EFL1: variants seen among roughly 807,000 people sequenced by gnomAD.
The protein encoded by EFL1 is elongation factor like GTPase 1.
Under a neutral mutation model 126.7 loss-of-function variants are expected in EFL1, and 76 were observed. That is an observed-to-expected ratio of 0.60 (90% CI 0.50 to 0.73). The LOEUF is 0.73. Among genes scored for constraint, EFL1 ranks in the 30% least tolerant of loss-of-function variants. EFL1 has a pLI of 0.00. For missense variants in EFL1, 1,128 were observed against 1,343.2 expected (o/e 0.84, Z 2.50); for synonymous variants, 410 against 448.4 (o/e 0.91, Z 1.08).
chr15:82,205,853 A>T (rs1272732237), intron 15 of EFL1, among the ~76,000 whole-genome samples: 4 of 152,252 alleles, frequency 2.6e-5, no homozygotes, highest in African/African-American at 9.6e-5. Context: ...GTATTAATCT[A>T]TGTGTTCAAA....
At chr15:82,133,655 A>AT (rs1304465335) in intron 19 of EFL1, among the ~76,000 whole-genome samples, 1 of 152,166 alleles carries the variant, frequency 6.6e-6, no homozygotes, top group Non-Finnish European at 1.5e-5. Context: ...AACTATTGTA[A>AT]TTTTTTTAAC....
intron 7 of EFL1, among the ~76,000 whole-genome samples, chr15:82,233,073 A>T (rs1461643279): frequency 1.3e-5 from 2 of 152,188 alleles, no homozygotes; most frequent in Non-Finnish European, 2.9e-5. Flanking sequence ...TTATAGTAAG[A>T]CATTTGCCCA....
At chr15:82,209,310 G>GACACACACACACACAC (rs1439189664) in intron 15 of EFL1, among the ~76,000 whole-genome samples, 2 of 94,840 alleles carry the variant, frequency 2.1e-5, no homozygotes, top group African/African-American at 7.9e-5. Context: ...TTCACACACA[G>GACACACACACACACAC]ACACAGACAC....
intron 4 of EFL1, among the ~76,000 whole-genome samples, chr15:82,251,293 A>C (rs1187631544): frequency 6.6e-6 from 1 of 152,200 alleles, no homozygotes; most frequent in Non-Finnish European, 1.5e-5. Context: ...GATAAAATAG[A>C]GTTCAGACCA....
intron 15 of EFL1, among the ~76,000 whole-genome samples, chr15:82,165,813 T>C (rs2074073927): frequency 2.0e-5 from 3 of 152,190 alleles, no homozygotes; most frequent in African/African-American, 4.8e-5. Context: ...CTTTAACTAA[T>C]CAGCACAGGA....
In EFL1 at chr15:82,138,982, A is replaced by G; in HGVS notation, c.2990-140T>C. 39 of 820,750 alleles carry G rather than the reference A, an allele frequency of 4.8e-5. 1 individual carries two copies. Among genetic ancestry groups the G allele is most frequent in the Non-Finnish European group, 6.6e-5 (38 of 574,542 alleles). The allele number at this position is 820,750 out of a possible 1,614,324, so 50.8% of individuals were successfully genotyped here. On this transcript the variant is annotated intron_variant, in intron 18 of 19. Transcript: ENST00000268206. ...ATAATGTTGATTTACAAAAGCAAGG[A>G]ACACTTTTTAAGTGTTTATTTAAAA...
At chr15:82,261,610 A>G (rs1335719959) in intron 2 of EFL1, 78 bp downstream of exon 2, 7 of 1,375,234 alleles carry the variant, frequency 5.1e-6, no homozygotes, top group Admixed American at 3.9e-5. Flanking sequence ...TCAGCTGTCC[A>G]CAGCTTCACT....
chr15:82,141,370 G>C (rs889750797), intron 18 of EFL1, among the ~76,000 whole-genome samples: 1 of 151,994 alleles, frequency 6.6e-6, no homozygotes, highest in African/African-American at 2.4e-5. Context: ...TATCTCATTC[G>C]CAGAAATGTT....
chr15:82,228,222 A>G lies in EFL1; in HGVS notation c.1038T>C (p.Ser346=), dbSNP rs1418292832. The part of the protein sequence containing the change: ...DPKVQINAIC[S]QWLPISHAVL... ...CAGCATGGGATATGGGTAGCCACTG[A>G]CTGCAAATGGCGTTGATCTGAACTT... The change falls in exon 10 of 20, where the codon AGT becomes AGC. Residue 346 remains serine, a synonymous_variant. Coordinates refer to ENST00000268206, the MANE Select transcript of EFL1 (RefSeq NM_024580.6). 6.2e-7 allele frequency: 1 copy of G among 1,613,826 alleles called. No homozygotes were observed. Among genetic ancestry groups the G allele is most frequent in the East Asian group, 2.2e-5 (1 of 44,880 alleles).
At chr15:82,137,447 T>C (rs1292015867) in intron 19 of EFL1, among the ~76,000 whole-genome samples, 1 of 152,176 alleles carries the variant, frequency 6.6e-6, no homozygotes, top group Non-Finnish European at 1.5e-5. Flanking sequence ...AAAATGAATG[T>C]GGTGTAGACT....
intron 15 of EFL1, among the ~76,000 whole-genome samples, chr15:82,202,268 ACTCTTTTC>A (rs1712786742): frequency 6.6e-6 from 1 of 152,062 alleles, no homozygotes; most frequent in Admixed American, 6.6e-5. Context: ...CCAGAAAAGT[ACTCTTTTC>A]CTATTTTTTT....
chr15:82,240,525 CA>C lies in EFL1; in HGVS notation c.408del (p.Glu137LysfsTer7), dbSNP rs751291170. On this transcript the variant is annotated frameshift_variant, in exon 6 of 20. Coordinates refer to ENST00000268206, the MANE Select transcript of EFL1 (RefSeq NM_024580.6). LOFTEE classifies it high-confidence loss of function. ...ATCACTAAAACCGGACGGATGTTTT[CA>C]AGCCAAGCTTGTCGCAGAACTGCCT... Reference protein sequence around the residue: ...QTQAVLRQAWLENIRPVLVIN... With the variant: ...QTQAVLRQAWXENIRPVLVIN... The C allele has an allele frequency of 6.2e-7, 1 of 1,613,840 alleles. No individual in the cohort carries two copies. Among genetic ancestry groups the C allele is most frequent in the Non-Finnish European group, 8.5e-7 (1 of 1,179,976 alleles).
chr15:82,149,967 T>G (rs1773490020), intron 18 of EFL1, among the ~76,000 whole-genome samples: 1 of 152,174 alleles, frequency 6.6e-6, no homozygotes, highest in African/African-American at 2.4e-5. Flanking sequence ...GATTTGATTT[T>G]AACTCTTACT....
At chr15:82,189,814 T>C (rs148678036) in intron 15 of EFL1, among the ~76,000 whole-genome samples, 2 of 152,242 alleles carry the variant, frequency 1.3e-5, no homozygotes, top group East Asian at 3.9e-4. Context: ...TTCCAGTCTT[T>C]TCACTTAAAA....
At chr15:82,192,634 T>C (rs2141272790) in intron 15 of EFL1, among the ~76,000 whole-genome samples, 1 of 152,246 alleles carries the variant, frequency 6.6e-6, no homozygotes, top group African/African-American at 2.4e-5. Context: ...CACAACACCA[T>C]GAGGTGGAAA....
intron 7 of EFL1, among the ~76,000 whole-genome samples, chr15:82,234,858 A>G (rs1221005231): frequency 1.3e-5 from 2 of 152,176 alleles, no homozygotes; most frequent in Non-Finnish European, 2.9e-5. Context: ...TCCCACTACT[A>G]TTTATCCAAA....
chr15:82,199,249 G>A (rs569377383), intron 15 of EFL1, among the ~76,000 whole-genome samples: 103 of 152,218 alleles, frequency 6.8e-4, no homozygotes, highest in Admixed American at 1.6e-3. Flanking sequence ...CTAGATTAAA[G>A]GCCACCCAGG....
intron 15 of EFL1, among the ~76,000 whole-genome samples, chr15:82,180,752 C>CT (rs981765094): frequency 0.014 from 1,970 of 144,684 alleles, 18 homozygotes; most frequent in Non-Finnish European, 0.019. Context: ...ATTTTTCTTT[C>CT]TTTTTTTTTT....
At chr15:82,159,839 T>A (rs1311547087) in intron 16 of EFL1, 6 of 152,214 alleles carry the variant, frequency 3.9e-5, no homozygotes, top group Non-Finnish European at 8.8e-5. Context: ...GAATCATTCT[T>A]CCCTTTGGAC....
Sources: allele counts gnomAD v4.1 joint callset (sites outside exome capture counted in the v4.1 genomes callset), GRCh38; gene constraint gnomAD v4.1.1; transcripts MANE v1.5; gene names NCBI Gene and HGNC (gene_info 2026-07-23, HGNC 2026-07-21).